ZFHX2: variants seen among roughly 807,000 people sequenced by gnomAD.
ZFHX2 encodes zinc finger homeobox protein 2.
A neutral mutation model predicts 164.8 loss-of-function variants in ZFHX2; 75 were observed. The observed-to-expected ratio is 0.46, with a 90% CI of 0.38 to 0.55. The LOEUF (loss-of-function observed/expected upper bound fraction) is 0.55. ZFHX2 is among the 20% of genes least tolerant of loss of function. The pLI is 0.00. For missense variants in ZFHX2, 2,933 were observed against 3,308.0 expected (o/e 0.89, Z 2.78); for synonymous variants, 1,217 against 1,351.4 (o/e 0.90, Z 2.18).
In ZFHX2 at chr14:23,549,587, C is replaced by T. The variant is rs890306943; in HGVS notation, c.-50+1756G>A. The stretch of plus-strand genomic sequence containing the variant: ...ATCTAAATATGATAGTAGCAGGGGC[C>T]TAGGAAGAAGATGAACTAAAAAGTG... On this transcript the variant is annotated intron_variant, in intron 1 of 9. Coordinates refer to ENST00000419474, the MANE Select transcript of ZFHX2 (RefSeq NM_033400.3). 4.0e-5 allele frequency among the ~76,000 whole-genome samples: 6 copies of T among 151,846 alleles called. No individual in the cohort carries two copies. The East Asian group carries it at 1.2e-3, about 29-fold the overall frequency.
rs1177734417 is a variant in ZFHX2, at chr14:23,534,171, G to C, written c.1155C>G (p.Leu385=). 12 of 1,474,330 alleles carry C rather than the reference G, an allele frequency of 8.1e-6. No homozygotes were observed. Among genetic ancestry groups the C allele is most frequent in the Non-Finnish European group, 9.9e-6 (11 of 1,116,614 alleles). 91.3% of individuals were successfully genotyped at this position (1,474,330 alleles called of 1,614,324 possible). A position where few individuals can be genotyped will look rare whatever the true frequency, so the allele number is the denominator to read the frequency against. ...GTGAGCTTTGGTTGAGTGGGGGGCA[G>C]AGCCCTCCATCCTCTTCTTGCCCCT... ...FPEGQEEDGG[L]CPPLNQSSPT... is the part of the protein sequence containing the mutation. The change falls in exon 2 of 10, where the codon CTC becomes CTG. Residue 385 remains leucine (L), a synonymous_variant. Transcript: ENST00000419474. This position sits in a 1 kb window ranked among gnomAD's most constrained non-coding sequence, Gnocchi z 4.5.
rs1346198859 is a variant in ZFHX2 at position 23,534,110 on chromosome 14, C to A, written c.1216G>T (p.Val406Leu). 2 of 1,490,982 alleles carry A rather than the reference C, an allele frequency of 1.3e-6. No homozygotes were observed. Among genetic ancestry groups the A allele is most frequent in the Non-Finnish European group, 8.9e-7 (1 of 1,123,264 alleles). The allele number at this position is 1,490,982 out of a possible 1,614,324, so 92.4% of individuals were successfully genotyped here. ...SKEGGTLPAP[V>L]GSPEDPSDPP... is the part of the protein sequence containing the mutation. ...TCACTGGGGTCTTCGGGGGAGCCCA[C>A]TGGGGCAGGGAGAGTGCCCCCCTCC... The change falls in exon 2 of 10, where the codon GTG becomes TTG. Residue 406 changes from valine to leucine, a missense_variant. Val to Leu is a conservative substitution (Grantham distance 32). Coordinates refer to ENST00000419474, the MANE Select transcript of ZFHX2 (RefSeq NM_033400.3). The surrounding 1 kb of genome is among the most constrained non-coding windows in gnomAD (Gnocchi z 4.5).
chr14:23,540,574 T>G (rs753335015), intron 1 of ZFHX2, among the ~76,000 whole-genome samples: 2 of 152,188 alleles, frequency 1.3e-5, no homozygotes, highest in Admixed American at 6.5e-5. Context: ...AAACTATAAC[T>G]AGATGAGCTC....
chr14:23,524,800 C>T lies in ZFHX2; in HGVS notation c.5142G>A (p.Val1714=), dbSNP rs1326733001. 1.3e-6 allele frequency: 2 copies of T among 1,536,738 alleles called. No individual in the cohort carries two copies. Among genetic ancestry groups the T allele is most frequent in the South Asian group, 1.2e-5 (1 of 84,068 alleles). ...GTTCCTCCTCTACTTCTTCTTCTTC[C>T]ACCTCTTCCTCCTCTTCCCCTCTCT... ...EAERGEEEEE[V]EEEEVEEEQG... is the part of the protein sequence containing the mutation. The change falls in exon 9 of 10, where the codon GTG becomes GTA. Residue 1714 remains valine (V), a synonymous_variant. Transcript: ENST00000419474. The surrounding 1 kb of genome is among the most constrained non-coding windows in gnomAD (Gnocchi z 5.6).
At chr14:23,531,920 G>A (rs1250313275) in intron 3 of ZFHX2, 199 bp from the exon 4 acceptor site, 2 of 602,516 alleles carry the variant, frequency 3.3e-6, no homozygotes, top group Non-Finnish European at 2.4e-6. Context: ...GGGATTACAG[G>A]CATGCGCACC....
intron 1 of ZFHX2, among the ~76,000 whole-genome samples, chr14:23,550,973 C>G (rs1346059025): frequency 2.6e-5 from 4 of 152,062 alleles, no homozygotes; most frequent in Non-Finnish European, 5.9e-5. Flanking sequence ...CCCTTCCCCC[C>G]GGGATCCCCG....
At chr14:23,530,675 G>C (rs2138751712) in intron 4 of ZFHX2, 1 of 344,002 alleles carries the variant, frequency 2.9e-6, no homozygotes, top group East Asian at 8.0e-5. Context: ...TTCGGTGGCA[G>C]CCTAATTAAA....
intron 4 of ZFHX2, chr14:23,530,728 G>C (rs1056617682): frequency 1.3e-5 from 4 of 309,306 alleles, no homozygotes; most frequent in Non-Finnish European, 1.9e-5. Flanking sequence ...CGCCAGGATC[G>C]TTAGCTATTG....
rs1043387909 is a variant in ZFHX2, at chr14:23,551,575, T to G, written c.-282A>C. The stretch of plus-strand genomic sequence containing the variant: ...AGTGAAGGAAAATAATCAATGCTAT[T>G]TGGCTGCGGCTGAAGTGTTTCCCCG... On this transcript the variant is annotated 5_prime_UTR_variant, in exon 1 of 10. Transcript: ENST00000419474. The surrounding 1 kb of genome is among the most constrained non-coding windows in gnomAD (Gnocchi z 5.3). 2.6e-5 allele frequency: 4 copies of G among 152,916 alleles called. No individual in the cohort carries two copies. The highest frequency in any genetic ancestry group is 9.6e-5 in the African/African-American group (4 of 41,510). The allele number at this position is 152,916 out of a possible 1,614,324, so 9.5% of individuals were successfully genotyped here. A position where few individuals can be genotyped will look rare whatever the true frequency, so the allele number is the denominator to read the frequency against.
intron 1 of ZFHX2, among the ~76,000 whole-genome samples, chr14:23,549,478 C>T (rs1881745697): frequency 6.6e-6 from 1 of 152,132 alleles, no homozygotes; most frequent in Admixed American, 6.5e-5. Context: ...TACTGTTCTT[C>T]AGGCTAAATG....
chr14:23,522,462 G>A lies in ZFHX2; in HGVS notation c.7219C>T (p.Pro2407Ser), dbSNP rs1257432896. Reference protein sequence around the residue: ...PNALLQPPPQPPEPTATAPPK... With the variant: ...PNALLQPPPQSPEPTATAPPK... ...GGTGCTGTGGCTGTGGGCTCAGGGG[G>A]CTGGGGTGGCGGCTGGAGGAGGGCA... Residue 2407 changes from proline (P) to serine (S), a missense_variant, in exon 10 of 10, where the codon CCC (proline) becomes TCC (serine). Coordinates refer to ENST00000419474, the MANE Select transcript of ZFHX2 (RefSeq NM_033400.3). The A allele has an allele frequency of 2.0e-6, 3 of 1,535,970 alleles. No individual in the cohort carries two copies. Among genetic ancestry groups the A allele is most frequent in the Admixed American group, 2.0e-5 (1 of 50,950 alleles).
At chr14:23,541,783 G>T (rs562657215) in intron 1 of ZFHX2, among the ~76,000 whole-genome samples, 4 of 151,864 alleles carry the variant, frequency 2.6e-5, no homozygotes, top group Non-Finnish European at 5.9e-5. Context: ...TTTTTCCAAA[G>T]ATCCTTTCCA....
In ZFHX2 at chr14:23,534,729, G is replaced by A; in HGVS notation, c.597C>T (p.Ala199=). 6.5e-7 allele frequency: 1 copy of A among 1,536,176 alleles called. No individual in the cohort carries two copies. Among genetic ancestry groups the A allele is most frequent in the Middle Eastern group, 1.7e-4 (1 of 5,990 alleles). Residue 199 remains alanine, a synonymous_variant, in exon 2 of 10, where the codon GCC becomes GCT. Coordinates refer to ENST00000419474, the MANE Select transcript of ZFHX2 (RefSeq NM_033400.3). This position sits in a 1 kb window ranked among gnomAD's most constrained non-coding sequence, Gnocchi z 4.5. ...SHDTSAPSPA[A]CEERHGAFWS... ...AGAAAGCTCCATGCCTTTCCTCACA[G>A]GCAGCCGGAGATGGTGCTGAGGTAT...
intron 1 of ZFHX2, chr14:23,548,471 C>G (rs1054536673): frequency 6.6e-6 from 1 of 152,192 alleles, no homozygotes; most frequent in Non-Finnish European, 1.5e-5. Flanking sequence ...CAAGGTAACA[C>G]CAGCTGCCTC....
At chr14:23,530,385 T>C in intron 4 of ZFHX2, 191 bp from the exon 5 acceptor site, 1 of 698,822 alleles carries the variant, frequency 1.4e-6, no homozygotes. Context: ...AATTACAGTA[T>C]TAGAACTGGT....
At position 23,523,593 on chromosome 14, in the gene ZFHX2, G is replaced by C. The variant is rs745806358; in HGVS notation, c.6349C>G (p.Arg2117Gly). ...AGTTTGGCCTTCTTTTCCTTGGCAC[G>C]AGCATTCTGGAACCAGACCTGGATG... ...RVIQVWFQNA[R>G]AKEKKAKLQG... Residue 2117 changes from arginine to glycine, a missense_variant, in exon 9 of 10, where the codon CGT (arginine) becomes GGT (glycine). Physicochemically the swap from Arg to Gly is moderately radical, Grantham distance 125. Coordinates refer to ENST00000419474, the MANE Select transcript of ZFHX2 (RefSeq NM_033400.3). This position sits in a 1 kb window ranked among gnomAD's most constrained non-coding sequence, Gnocchi z 4.1. 2 of 1,552,440 alleles carry C rather than the reference G, an allele frequency of 1.3e-6. No individual in the cohort carries two copies. The highest frequency in any genetic ancestry group is 1.7e-6 in the Non-Finnish European group (2 of 1,154,842).
In ZFHX2 at chr14:23,532,549, T is replaced by G; in HGVS notation, c.2559+18A>C. On this transcript the variant is annotated intron_variant, in intron 3 of 9. Transcript: ENST00000419474. The stretch of plus-strand genomic sequence containing the variant: ...TTCCCTTCTCCTCTTCCGATGGCCC[T>G]TCCTGACCCAGCCTCACCTTATAGA... The G allele has an allele frequency of 2.8e-6, 4 of 1,432,576 alleles. No individual in the cohort carries two copies. Among genetic ancestry groups the G allele is most frequent in the Non-Finnish European group, 3.6e-6 (4 of 1,096,580 alleles). 88.7% of individuals were successfully genotyped at this position (1,432,576 alleles called of 1,614,324 possible).
At chr14:23,532,418 C>A (rs1476995160) in intron 3 of ZFHX2, 149 bp downstream of exon 3, 3 of 955,586 alleles carry the variant, frequency 3.1e-6, no homozygotes, top group East Asian at 2.9e-5. Context: ...CACTTTGTTA[C>A]CCTGGTACAT....
At position 23,526,395 on chromosome 14, in the gene ZFHX2, T is replaced by C; in HGVS notation, c.3547A>G (p.Lys1183Glu). The C allele has an allele frequency of 2.0e-6, 3 of 1,536,288 alleles. No individual in the cohort carries two copies. The highest frequency in any genetic ancestry group is 2.6e-6 in the Non-Finnish European group (3 of 1,146,840). ...YRKTTNFALD[K>E]FLDPARPYKC... is the part of the protein sequence containing the mutation. ...TAGGGCCGGGCAGGGTCGAGAAACT[T>C]GTCCAGGGCAAAGTTGGTGGTTTTC... The change falls in exon 9 of 10, where the codon AAG becomes GAG. Residue 1183 changes from lysine to glutamate, a missense_variant. Lys to Glu is a moderately conservative substitution (Grantham distance 56). Transcript: ENST00000419474.
Sources: allele counts gnomAD v4.1 joint callset (sites outside exome capture counted in the v4.1 genomes callset), GRCh38; gene constraint gnomAD v4.1.1; non-coding constraint Gnocchi (gnomAD v3.1); transcripts MANE v1.5; gene names NCBI Gene and HGNC (gene_info 2026-07-23, HGNC 2026-07-21).